The following RYR3 variants were observed in gnomAD, a reference collection of about 807,000 sequenced individuals.
RYR3 encodes ryanodine receptor 3, also known as brain ryanodine receptor-calcium release channel.
In RYR3, 207 loss-of-function variants were observed where a neutral mutation model predicts 584.3. That is an observed-to-expected ratio of 0.35 (90% CI 0.32 to 0.40). RYR3 has a LOEUF of 0.40. Ranked by LOEUF, RYR3 falls within the 10% of genes least tolerant of loss-of-function variation. The pLI is 1.00. For missense variants in RYR3, 5,616 were observed against 6,089.2 expected, an observed-to-expected ratio of 0.92 and a Z score of 2.59; for synonymous variants, 2,416 against 2,248.5, an observed-to-expected ratio of 1.07 and a Z score of -2.11.
intron 30 of RYR3, among the ~76,000 whole-genome samples, 198 bp downstream of exon 30, chr15:33,647,658 C>A (rs1163408705): frequency 1.3e-5 from 2 of 152,168 alleles, no homozygotes; most frequent in African/African-American, 2.4e-5. Flanking sequence ...CAGTGCAAAG[C>A]AAAAGCTCTA....
At chr15:33,613,695 C>T (rs1434715774) in intron 19 of RYR3, among the ~76,000 whole-genome samples, 2 of 152,230 alleles carry the variant, frequency 1.3e-5, no homozygotes, top group Non-Finnish European at 2.9e-5. Context: ...ATGAACAACA[C>T]AGTAAAAATC....
intron 38 of RYR3, among the ~76,000 whole-genome samples, chr15:33,680,968 T>C (rs549469788): frequency 8.5e-4 from 129 of 152,352 alleles, no homozygotes; most frequent in South Asian, 1.7e-3. Flanking sequence ...GTGCTGTCTG[T>C]AATCTACATA....
intron 3 of RYR3, among the ~76,000 whole-genome samples, chr15:33,504,031 GTGGAGAGGC>G (rs1297043571): frequency 6.6e-6 from 1 of 152,232 alleles, no homozygotes; most frequent in Non-Finnish European, 1.5e-5. Flanking sequence ...ACCAGCGAAT[GTGGAGAGGC>G]TGAGAGGGTC....
At chr15:33,351,402 C>T (rs1442061881) in intron 1 of RYR3, among the ~76,000 whole-genome samples, 2 of 152,088 alleles carry the variant, frequency 1.3e-5, no homozygotes, top group Admixed American at 6.5e-5. Context: ...CTCCCTAACT[C>T]ATTTTATGAG....
chr15:33,523,544 G>A (rs1174901701), intron 3 of RYR3, among the ~76,000 whole-genome samples: 2 of 152,030 alleles, frequency 1.3e-5, no homozygotes, highest in South Asian at 2.1e-4. Context: ...AACCAGTTCC[G>A]GACACACTAT....
At chr15:33,780,039 G>A (rs1288119062) in intron 64 of RYR3, among the ~76,000 whole-genome samples, 172 bp from the exon 65 acceptor site, 2 of 152,144 alleles carry the variant, frequency 1.3e-5, no homozygotes, top group Non-Finnish European at 2.9e-5. Context: ...TCTAAGCAGT[G>A]AGAGCATTGG....
chr15:33,705,892 C>A (rs1227268871), intron 42 of RYR3, among the ~76,000 whole-genome samples: 1 of 152,298 alleles, frequency 6.6e-6, no homozygotes, highest in South Asian at 2.1e-4. Context: ...CCCAGTGGGC[C>A]CTTCTTTTCC....
intron 34 of RYR3, among the ~76,000 whole-genome samples, chr15:33,661,246 G>A (rs1195580744): frequency 6.6e-6 from 1 of 152,104 alleles, no homozygotes; most frequent in Non-Finnish European, 1.5e-5. Context: ...GATTAGAGCC[G>A]AGGCCCTGGA....
intron 1 of RYR3, among the ~76,000 whole-genome samples, chr15:33,340,588 G>A (rs550261033): frequency 2.6e-5 from 4 of 152,162 alleles, no homozygotes; most frequent in Non-Finnish European, 5.9e-5. Context: ...TCTTTGGCTT[G>A]TGGATGGTCC....
chr15:33,830,792 T>G, intron 85 of RYR3, 171 bp from the exon 86 acceptor site: 1 of 551,086 alleles, frequency 1.8e-6, no homozygotes. Context: ...TATTTGTGCA[T>G]GAAAGATCCT....
intron 1 of RYR3, among the ~76,000 whole-genome samples, chr15:33,435,569 G>A (rs1040425773): frequency 6.6e-6 from 1 of 152,192 alleles, no homozygotes; most frequent in Non-Finnish European, 1.5e-5. Flanking sequence ...TGGGTCAAAT[G>A]GGCTATATGC....
chr15:33,331,872 G>A (rs1428128282), intron 1 of RYR3, among the ~76,000 whole-genome samples: 3 of 151,874 alleles, frequency 2.0e-5, no homozygotes, highest in Non-Finnish European at 4.4e-5. Flanking sequence ...CCAAAATTTT[G>A]GATAATAATT....
chr15:33,478,441 A>G (rs370502818), intron 2 of RYR3, among the ~76,000 whole-genome samples: 3 of 152,216 alleles, frequency 2.0e-5, no homozygotes, highest in East Asian at 3.9e-4. Context: ...CCACAAAGGC[A>G]GCCCCAGCTA....
intron 67 of RYR3, among the ~76,000 whole-genome samples, chr15:33,797,419 T>TATG (rs2152926928): frequency 6.6e-6 from 1 of 151,992 alleles, no homozygotes; most frequent in African/African-American, 2.4e-5. Flanking sequence ...GCAGAGAGGG[T>TATG]ATGAGCGAAT....
At chr15:33,763,500 C>T (rs2072694799) in intron 60 of RYR3, among the ~76,000 whole-genome samples, 2 of 151,888 alleles carry the variant, frequency 1.3e-5, no homozygotes, top group African/African-American at 2.4e-5. Context: ...ATGCGGCCAA[C>T]AAACATATGA....
At chr15:33,367,423 GT>G (rs1206509523) in intron 1 of RYR3, among the ~76,000 whole-genome samples, 1 of 152,082 alleles carries the variant, frequency 6.6e-6, no homozygotes, top group Non-Finnish European at 1.5e-5. Context: ...AATACAGTTG[GT>G]TTAGTTTAGG....
At chr15:33,615,813 C>T (rs1411509492) in intron 19 of RYR3, among the ~76,000 whole-genome samples, 10 of 152,140 alleles carry the variant, frequency 6.6e-5, no homozygotes, top group Non-Finnish European at 7.3e-5. Context: ...ACAAGAGAGG[C>T]GCTGTAAGCA....
chr15:33,673,604 G>A (rs1263495375), intron 38 of RYR3, among the ~76,000 whole-genome samples: 2 of 152,014 alleles, frequency 1.3e-5, no homozygotes, highest in Non-Finnish European at 1.5e-5. Flanking sequence ...CTTTTCCAAC[G>A]CTGCAGTTTA....
intron 1 of RYR3, among the ~76,000 whole-genome samples, chr15:33,443,549 T>G (rs2046394193): frequency 6.6e-6 from 1 of 152,160 alleles, no homozygotes; most frequent in African/African-American, 2.4e-5. Flanking sequence ...AAAACAGCCC[T>G]TAAAAACATG....
Sources: allele counts gnomAD v4.1 joint callset (sites outside exome capture counted in the v4.1 genomes callset), GRCh38; gene constraint gnomAD v4.1.1; transcripts MANE v1.5; gene names NCBI Gene and HGNC (gene_info 2026-07-23, HGNC 2026-07-21).